Variants in PPP3CC observed in about 807,000 individuals in gnomAD.
PPP3CC encodes protein phosphatase 3 catalytic subunit gamma.
In PPP3CC, 35 loss-of-function variants were observed where a neutral mutation model predicts 60.3. The ratio of observed to expected loss-of-function variants is 0.58; its 90% CI spans 0.44 to 0.77. PPP3CC has a LOEUF of 0.77. PPP3CC is among the 30% of genes least tolerant of loss of function. The pLI is 0.00. For missense variants in PPP3CC, 570 were observed against 628.9 expected, an observed-to-expected ratio of 0.91 and a Z score of 1.00; for synonymous variants, 206 against 224.3, an observed-to-expected ratio of 0.92 and a Z score of 0.73.
chr8:22,508,905 G>A (rs1839002645), intron 4 of PPP3CC, among the ~76,000 whole-genome samples: 1 of 152,206 alleles, frequency 6.6e-6, no homozygotes, highest in Non-Finnish European at 1.5e-5. Context: ...TGTAAGGAGA[G>A]GCAATGATGC....
In PPP3CC at chr8:22,522,659, C is replaced by T. The variant is rs1259361791; in HGVS notation, c.853C>T (p.Arg285Ter). The change falls in exon 8 of 14, where the codon CGA becomes TGA. Residue 285 changes from arginine (R) to a stop codon, truncating the protein, a stop_gained. Transcript: ENST00000240139. LOFTEE classifies it high-confidence loss of function. ...GGACTTTCATCTCTTTTTCAGGTAT[C>T]GAATGTACAGGAAGAGCCAAGCCAC... ...RAHEAQDAGY[R>*]MYRKSQATGF... The T allele has an allele frequency of 4.4e-6, 7 of 1,603,958 alleles. No homozygotes were observed. Among genetic ancestry groups the T allele is most frequent in the South Asian group, 1.1e-5 (1 of 90,162 alleles).
At chr8:22,522,824 G>A in intron 8 of PPP3CC, 75 bp downstream of exon 8, 2 of 1,031,858 alleles carry the variant, frequency 1.9e-6, no homozygotes, top group East Asian at 2.5e-5. Context: ...ATGTACGTAT[G>A]TGTGTTTGTG....
At chr8:22,531,182 C>A in intron 10 of PPP3CC, 2 of 902,864 alleles carry the variant, frequency 2.2e-6, no homozygotes, top group Non-Finnish European at 3.5e-6. Flanking sequence ...AAGATAATAG[C>A]CTGTTTCTCT....
chr8:22,529,821 T>A (rs915350176), intron 10 of PPP3CC, among the ~76,000 whole-genome samples: 1 of 152,118 alleles, frequency 6.6e-6, no homozygotes, highest in Non-Finnish European at 1.5e-5. Context: ...GTGTGAGGGA[T>A]CTTTTTATAC....
chr8:22,482,219 C>T (rs939312821), intron 3 of PPP3CC, among the ~76,000 whole-genome samples: 2 of 152,072 alleles, frequency 1.3e-5, no homozygotes, highest in Admixed American at 6.6e-5. Flanking sequence ...TTTTAATGAT[C>T]GCCATTCTAA....
chr8:22,529,665 G>C (rs974598461), intron 10 of PPP3CC, among the ~76,000 whole-genome samples: 1 of 152,006 alleles, frequency 6.6e-6, no homozygotes, highest in Non-Finnish European at 1.5e-5. Context: ...TGTATTTTTA[G>C]TATAGATGGG....
At chr8:22,535,895 A>T (rs557730020) in intron 12 of PPP3CC, among the ~76,000 whole-genome samples, 115 of 152,120 alleles carry the variant, frequency 7.6e-4, no homozygotes, top group Non-Finnish European at 8.8e-4. Context: ...CCATGCCCGG[A>T]TAATTTTTTA....
At chr8:22,467,344 G>A (rs780701123) in intron 1 of PPP3CC, among the ~76,000 whole-genome samples, 1 of 152,004 alleles carries the variant, frequency 6.6e-6, no homozygotes, top group Non-Finnish European at 1.5e-5. Flanking sequence ...GATACTTTTC[G>A]ATCATAGTTT....
At position 22,517,832 on chromosome 8, in the gene PPP3CC, T is replaced by C. The variant is rs1011056561; in HGVS notation, c.770+4400T>C. On this transcript the variant is annotated intron_variant, in intron 6 of 13. Coordinates refer to ENST00000240139, the MANE Select transcript of PPP3CC (RefSeq NM_005605.5). ...TAGTTTTGTTGACTTTTTTCTGTTG[T>C]TTTTCTATTCTCTATTTGATTCATT... is the stretch of plus-strand genomic sequence containing the variant. Among the ~76,000 whole-genome samples the C allele has an allele frequency of 6.6e-5, 10 of 152,172 alleles. No individual in the cohort carries two copies. In the East Asian group the frequency reaches 1.9e-3, roughly 29 times the overall value.
At chr8:22,469,085 AG>A (rs1160178251) in intron 1 of PPP3CC, among the ~76,000 whole-genome samples, 8 of 152,232 alleles carry the variant, frequency 5.3e-5, no homozygotes, top group Non-Finnish European at 1.2e-4. Flanking sequence ...ATCAGCGTTG[AG>A]TATCTATTAG....
intron 1 of PPP3CC, among the ~76,000 whole-genome samples, chr8:22,457,220 T>C (rs778462457): frequency 1.3e-5 from 2 of 151,416 alleles, no homozygotes; most frequent in Non-Finnish European, 2.9e-5. Context: ...GTATACCTTC[T>C]ATTTATTTTG....
At chr8:22,487,615 ACT>A (rs1044331149) in intron 3 of PPP3CC, among the ~76,000 whole-genome samples, 43 of 151,602 alleles carry the variant, frequency 2.8e-4, no homozygotes, top group Admixed American at 2.0e-3. Flanking sequence ...ACTGAGTGAG[ACT>A]CTGTCTAAAG....
intron 1 of PPP3CC, among the ~76,000 whole-genome samples, chr8:22,470,142 G>C (rs1428140207): frequency 6.6e-6 from 1 of 150,644 alleles, no homozygotes; most frequent in Non-Finnish European, 1.5e-5. Flanking sequence ...TTTTTTTAGA[G>C]GCAGAATCTC....
At chr8:22,534,496 A>C (rs1413404561) in intron 12 of PPP3CC, among the ~76,000 whole-genome samples, 1 of 152,176 alleles carries the variant, frequency 6.6e-6, no homozygotes, top group Non-Finnish European at 1.5e-5. Context: ...GTATGTTGCT[A>C]AAGGGCTTGT....
At chr8:22,494,652 C>T (rs1197629589) in intron 3 of PPP3CC, among the ~76,000 whole-genome samples, 1 of 152,136 alleles carries the variant, frequency 6.6e-6, no homozygotes, top group Non-Finnish European at 1.5e-5. Context: ...CTTTTGTGGT[C>T]ACTGGTAGAC....
chr8:22,531,387 T>TAGACTA, intron 10 of PPP3CC: 3 of 1,429,918 alleles, frequency 2.1e-6, no homozygotes, highest in Non-Finnish European at 2.8e-6. Flanking sequence ...CCATAGTCTA[T>TAGACTA]TGGTTAGACT....
chr8:22,539,414 A>G, intron 12 of PPP3CC, 55 bp from the exon 13 acceptor site: 1 of 1,601,300 alleles, frequency 6.2e-7, no homozygotes, highest in Non-Finnish European at 8.5e-7. Context: ...CTGTTGGTTT[A>G]CTCACTCTTT....
At chr8:22,459,604 CT>C (rs1382117420) in intron 1 of PPP3CC, among the ~76,000 whole-genome samples, 2 of 152,162 alleles carry the variant, frequency 1.3e-5, no homozygotes, top group Admixed American at 6.5e-5. Context: ...TGGACTTAAA[CT>C]TTAGTGACCT....
rs1371217828 is a variant in PPP3CC, at chr8:22,522,744, A to C, written c.938A>C (p.Asn313Thr). Residue 313 changes from asparagine (N) to threonine (T), a missense_variant, in exon 8 of 14, where the codon AAT (asparagine) becomes ACT (threonine). Asn to Thr is a moderately conservative substitution (Grantham distance 65, BLOSUM62 0). Transcript: ENST00000240139. ...CCCAATTACCTAGATGTCTATAACA[A>C]TAAAGGTAAAGGAATCCAGCAATAT... ...SAPNYLDVYNNKAAVLKYENN... is the reference protein window; with the variant it reads ...SAPNYLDVYNTKAAVLKYENN... 1 of 1,563,662 alleles carries C rather than the reference A, an allele frequency of 6.4e-7. No homozygotes were observed. Among genetic ancestry groups the C allele is most frequent in the Non-Finnish European group, 8.8e-7 (1 of 1,135,006 alleles).
Sources: allele counts gnomAD v4.1 joint callset (sites outside exome capture counted in the v4.1 genomes callset), GRCh38; gene constraint gnomAD v4.1.1; transcripts MANE v1.5; gene names NCBI Gene and HGNC (gene_info 2026-07-23, HGNC 2026-07-21).